The following EPHA3 variants were observed in gnomAD, a reference collection of about 807,000 sequenced individuals.
The protein encoded by EPHA3 is EPH receptor A3.
A neutral mutation model predicts 107.1 loss-of-function variants in EPHA3; 42 were observed. The observed-to-expected ratio is 0.39, with a 90% CI of 0.31 to 0.51. The LOEUF (loss-of-function observed/expected upper bound fraction) is 0.51, where lower values mean the gene tolerates loss of function less well. Ranked by LOEUF, EPHA3 falls within the 20% of genes least tolerant of loss-of-function variation. The pLI is 0.78. For missense variants in EPHA3, 1,183 were observed against 1,211.2 expected (o/e 0.98, Z 0.35); for synonymous variants, 461 against 424.8 (o/e 1.09, Z -1.05).
At chr3:89,366,669 G>C (rs1340700971) in intron 5 of EPHA3, among the ~76,000 whole-genome samples, 1 of 150,578 alleles carries the variant, frequency 6.6e-6, no homozygotes, top group Non-Finnish European at 1.5e-5. Flanking sequence ...AGTATAGACG[G>C]AGTCAGCTTT....
chr3:89,387,701 A>ATATATATTTTTTTTTTTTTTTTTT (rs1708649270), intron 5 of EPHA3, among the ~76,000 whole-genome samples: 1 of 152,138 alleles, frequency 6.6e-6, no homozygotes, highest in African/African-American at 2.4e-5. Flanking sequence ...AGACTTTTAT[A>ATATATATTTTTTTTTTTTTTTTTT]TTTTTATAAC....
intron 2 of EPHA3, among the ~76,000 whole-genome samples, chr3:89,186,487 C>T (rs1273712834): frequency 4.6e-5 from 7 of 152,074 alleles, no homozygotes; most frequent in African/African-American, 1.7e-4. Flanking sequence ...TTACTTTCCA[C>T]TGTCACGAAT....
intron 3 of EPHA3, among the ~76,000 whole-genome samples, chr3:89,325,688 T>C (rs1707149015): frequency 6.6e-6 from 1 of 152,158 alleles, no homozygotes; most frequent in Non-Finnish European, 1.5e-5. Context: ...CTTTTACATA[T>C]CATGTGAATA....
intron 11 of EPHA3, among the ~76,000 whole-genome samples, chr3:89,428,205 C>T (rs530875832): frequency 1.6e-4 from 25 of 151,950 alleles, no homozygotes; most frequent in African/African-American, 5.1e-4. Context: ...TATCAGTTTC[C>T]GAAAGTGACA....
At chr3:89,313,179 T>C in intron 3 of EPHA3, among the ~76,000 whole-genome samples, 1 of 152,038 alleles carries the variant, frequency 6.6e-6, no homozygotes, top group East Asian at 1.9e-4. Context: ...ATATGCATAG[T>C]AATCTTCTTT....
intron 3 of EPHA3, among the ~76,000 whole-genome samples, chr3:89,312,816 A>G (rs533085751): frequency 5.3e-5 from 8 of 152,004 alleles, no homozygotes; most frequent in African/African-American, 1.9e-4. Context: ...GCTCCCACTT[A>G]TAAGTGAGAA....
chr3:89,142,147 G>A (rs1704445325), intron 2 of EPHA3, among the ~76,000 whole-genome samples: 1 of 151,234 alleles, frequency 6.6e-6, no homozygotes, highest in Non-Finnish European at 1.5e-5. Context: ...GTTGACAAAA[G>A]GGAGGTAATC....
chr3:89,162,561 C>A (rs1251833057), intron 2 of EPHA3, among the ~76,000 whole-genome samples: 1 of 152,108 alleles, frequency 6.6e-6, no homozygotes, highest in Non-Finnish European at 1.5e-5. Context: ...AGTTTGGGTT[C>A]CCCTGAAATC....
intron 3 of EPHA3, among the ~76,000 whole-genome samples, chr3:89,264,199 T>C (rs956767564): frequency 1.3e-5 from 2 of 152,160 alleles, no homozygotes; most frequent in African/African-American, 4.8e-5. Context: ...TGTAAATCTG[T>C]GAAACTCTTA....
chr3:89,204,322 A>G (rs1576228060), intron 2 of EPHA3, among the ~76,000 whole-genome samples: 2 of 152,236 alleles, frequency 1.3e-5, no homozygotes, highest in South Asian at 4.1e-4. Flanking sequence ...TATAATTAAG[A>G]TAACTGTCCA....
chr3:89,219,639 C>T (rs1160302168), intron 3 of EPHA3, among the ~76,000 whole-genome samples: 1 of 149,718 alleles, frequency 6.7e-6, no homozygotes, highest in Non-Finnish European at 1.5e-5. Flanking sequence ...GGAGTCTACA[C>T]CAGTGTTCCT....
In EPHA3 at chr3:89,191,683, A is replaced by G. The variant is rs536645423; in HGVS notation, c.154-18177A>G. The stretch of plus-strand genomic sequence containing the variant: ...GCTTATGTTTATAGGTAATTGGTTA[A>G]TTGGTTACCCAGTTAATTGGTAGAT... On this transcript the variant is annotated intron_variant, in intron 2 of 16. Coordinates refer to ENST00000336596, the MANE Select transcript of EPHA3 (RefSeq NM_005233.6). Among the ~76,000 whole-genome samples, 38 of 152,316 alleles carry G rather than the reference A, an allele frequency of 2.5e-4. No homozygotes were observed. In the South Asian group the frequency reaches 5.0e-3, roughly 20 times the overall value.
chr3:89,245,066 G>A (rs145311989), intron 3 of EPHA3, among the ~76,000 whole-genome samples: 163 of 152,086 alleles, frequency 1.1e-3, no homozygotes, highest in Non-Finnish European at 1.8e-3. Context: ...CCAAACCAGC[G>A]GTTTGTTTGC....
intron 5 of EPHA3, among the ~76,000 whole-genome samples, chr3:89,383,626 C>T (rs1708552950): frequency 6.7e-6 from 1 of 149,652 alleles, no homozygotes; most frequent in Non-Finnish European, 1.5e-5. Context: ...GTGTGGTCAG[C>T]CTACTTCTTC....
chr3:89,130,627 CTTTT>C (rs869075361), intron 2 of EPHA3, among the ~76,000 whole-genome samples: 1 of 136,628 alleles, frequency 7.3e-6, no homozygotes, highest in Non-Finnish European at 1.6e-5. Context: ...TTTCTATCTC[CTTTT>C]TTTTTTTTTT....
chr3:89,234,011 A>T (rs1408252209), intron 3 of EPHA3, among the ~76,000 whole-genome samples: 2 of 152,204 alleles, frequency 1.3e-5, no homozygotes, highest in African/African-American at 4.8e-5. Context: ...GATTGAAGAA[A>T]AACAGCACAA....
intron 1 of EPHA3, among the ~76,000 whole-genome samples, chr3:89,112,623 T>G (rs1477731546): frequency 2.0e-5 from 3 of 152,000 alleles, no homozygotes; most frequent in Non-Finnish European, 2.9e-5. Context: ...ATATTTGATT[T>G]ACTAATTTCA....
intron 13 of EPHA3, among the ~76,000 whole-genome samples, chr3:89,446,932 C>T (rs1479531549): frequency 6.6e-6 from 1 of 152,098 alleles, no homozygotes; most frequent in Admixed American, 6.6e-5. Context: ...TTTTAAGATA[C>T]TGTACCTCCC....
At chr3:89,366,688 AG>A (rs938849817) in intron 5 of EPHA3, among the ~76,000 whole-genome samples, 2 of 150,694 alleles carry the variant, frequency 1.3e-5, no homozygotes, top group African/African-American at 4.8e-5. Flanking sequence ...TTGGAATCAA[AG>A]CCCAGACTTT....
Sources: allele counts gnomAD v4.1 joint callset (sites outside exome capture counted in the v4.1 genomes callset), GRCh38; gene constraint gnomAD v4.1.1; transcripts MANE v1.5; gene names NCBI Gene and HGNC (gene_info 2026-07-23, HGNC 2026-07-21).